PDE8B: variants seen among roughly 807,000 people sequenced by gnomAD.
PDE8B encodes phosphodiesterase 8B.
In PDE8B, 26 loss-of-function variants were observed where a neutral mutation model predicts 101.3. That is an observed-to-expected ratio of 0.26 (90% CI 0.19 to 0.36). The LOEUF is 0.36. Ranked by LOEUF, PDE8B falls within the 10% of genes least tolerant of loss-of-function variation. The pLI, the probability that PDE8B is intolerant of heterozygous loss-of-function variation, is 1.00. For missense variants in PDE8B, 810 were observed against 1,163.1 expected (o/e 0.70, Z 4.42); for synonymous variants, 424 against 429.3 (o/e 0.99, Z 0.15).
the PDE8B span, among the ~76,000 whole-genome samples, chr5:77,127,327 T>C: frequency 6.6e-6 from 1 of 152,046 alleles, no homozygotes; most frequent in Non-Finnish European, 1.5e-5. Flanking sequence ...TCTCACGAGA[T>C]CTGATGATTT....
At chr5:77,126,570 T>C in the PDE8B span, among the ~76,000 whole-genome samples, 65 of 152,224 alleles carry the variant, frequency 4.3e-4, no homozygotes, top group African/African-American at 1.5e-3. Context: ...GGACTACAGG[T>C]GTGTGCCACC....
chr5:77,123,864 C>G, the PDE8B span, among the ~76,000 whole-genome samples: 5 of 152,186 alleles, frequency 3.3e-5, no homozygotes, highest in African/African-American at 9.7e-5. Context: ...AGACAAATAA[C>G]CAATAACCAG....
intron 1 of PDE8B, among the ~76,000 whole-genome samples, chr5:77,266,772 T>C (rs948469073): frequency 6.6e-6 from 1 of 152,160 alleles, no homozygotes; most frequent in Non-Finnish European, 1.5e-5. Flanking sequence ...GAATCAACTG[T>C]ATGTCTTTTT....
At chr5:77,184,246 G>T in the PDE8B span, among the ~76,000 whole-genome samples, 2 of 152,212 alleles carry the variant, frequency 1.3e-5, no homozygotes, top group Non-Finnish European at 2.9e-5. Flanking sequence ...GATTACAGGT[G>T]TGAGCCACCG....
At chr5:77,243,901 A>C (rs1424139698) in intron 1 of PDE8B, among the ~76,000 whole-genome samples, 1 of 152,184 alleles carries the variant, frequency 6.6e-6, no homozygotes, top group Non-Finnish European at 1.5e-5. Flanking sequence ...TGACTCCTTA[A>C]GTCATTGCCA....
chr5:77,258,428 T>C (rs542926036), intron 1 of PDE8B, among the ~76,000 whole-genome samples: 33 of 152,020 alleles, frequency 2.2e-4, no homozygotes, highest in African/African-American at 6.3e-4. Flanking sequence ...TGTGAACCAT[T>C]GTAAGGAGTT....
chr5:77,104,647 C>T, the PDE8B span: 4 of 152,152 alleles, frequency 2.6e-5, no homozygotes, highest in African/African-American at 9.6e-5. Context: ...GGGTCCAGAA[C>T]TCTGAGAAAT....
intron 1 of PDE8B, among the ~76,000 whole-genome samples, chr5:77,306,629 C>G (rs2150076884): frequency 1.3e-5 from 2 of 152,302 alleles, no homozygotes; most frequent in Admixed American, 1.3e-4. Context: ...GAATCCTTAG[C>G]TTCCCTCTTG....
At chr5:77,410,391 G>C (rs1006935591) in intron 14 of PDE8B, 1 of 152,278 alleles carries the variant, frequency 6.6e-6, no homozygotes, top group Non-Finnish European at 1.5e-5. Flanking sequence ...GGGTGGAAAG[G>C]TCTGGATGTT....
At position 77,292,266 on chromosome 5, in the gene PDE8B, A is replaced by T. The variant is rs139796786; in HGVS notation, c.340-19728A>T. ...CTGACTGTGGCTGGGTGGAGTTGGC[A>T]TCTGTCTCCTAGGTTCCTCCTGCCC... On this transcript the variant is annotated intron_variant, in intron 1 of 21. Coordinates refer to ENST00000264917, the MANE Select transcript of PDE8B (RefSeq NM_003719.5). 6.6e-5 allele frequency among the ~76,000 whole-genome samples: 10 copies of T among 152,308 alleles called. No homozygotes were observed. The East Asian group carries it at 1.5e-3, about 23-fold the overall frequency.
At chr5:77,294,147 T>C (rs2149976700) in intron 1 of PDE8B, among the ~76,000 whole-genome samples, 1 of 152,336 alleles carries the variant, frequency 6.6e-6, no homozygotes, top group Middle Eastern at 3.4e-3. Flanking sequence ...AGGGCAATAA[T>C]GTAAATTGAC....
At chr5:77,267,958 C>T (rs1235779196) in intron 1 of PDE8B, among the ~76,000 whole-genome samples, 2 of 151,948 alleles carry the variant, frequency 1.3e-5, no homozygotes, top group Non-Finnish European at 2.9e-5. Context: ...TGAACAGATT[C>T]CTTGAAGAGA....
the PDE8B span, among the ~76,000 whole-genome samples, chr5:77,193,918 G>A: frequency 6.6e-6 from 1 of 152,072 alleles, no homozygotes; most frequent in Non-Finnish European, 1.5e-5. Context: ...GTAGTATTTT[G>A]TATTTCAATT....
chr5:77,237,533 T>C (rs984800002), intron 1 of PDE8B, among the ~76,000 whole-genome samples: 3 of 152,164 alleles, frequency 2.0e-5, no homozygotes, highest in African/African-American at 4.8e-5. Flanking sequence ...TTTTATCCAA[T>C]CTTCTTCATA....
At chr5:77,366,549 T>G (rs1417821850) in intron 10 of PDE8B, among the ~76,000 whole-genome samples, 1 of 152,146 alleles carries the variant, frequency 6.6e-6, no homozygotes, top group Non-Finnish European at 1.5e-5. Context: ...TCACCACTGC[T>G]CCACTGCTGT....
chr5:77,325,165 G>A (rs1056433099), intron 2 of PDE8B, among the ~76,000 whole-genome samples: 5 of 57,558 alleles, frequency 8.7e-5, no homozygotes, highest in Non-Finnish European at 9.8e-5. Context: ...GTTGTTTTGG[G>A]GGGATTGTTT....
chr5:77,307,907 T>A (rs1469441481), intron 1 of PDE8B, among the ~76,000 whole-genome samples: 1 of 152,220 alleles, frequency 6.6e-6, no homozygotes, highest in Admixed American at 6.5e-5. Context: ...GGCCACTTCC[T>A]GGAATCAGAG....
intron 20 of PDE8B, among the ~76,000 whole-genome samples, chr5:77,424,181 C>G (rs1797387276): frequency 6.6e-6 from 1 of 152,094 alleles, no homozygotes; most frequent in African/African-American, 2.4e-5. Context: ...AATGAGCAAG[C>G]CAAGCCAAAA....
intron 1 of PDE8B, among the ~76,000 whole-genome samples, chr5:77,294,982 A>G (rs1768211149): frequency 6.6e-6 from 1 of 151,698 alleles, no homozygotes; most frequent in Admixed American, 6.6e-5. Flanking sequence ...CCCGTTGTGT[A>G]CTGGGAAAAT....
Sources: allele counts gnomAD v4.1 joint callset (sites outside exome capture counted in the v4.1 genomes callset), GRCh38; gene constraint gnomAD v4.1.1; transcripts MANE v1.5; gene names NCBI Gene and HGNC (gene_info 2026-07-23, HGNC 2026-07-21).